Variants in DLGAP1 observed in about 807,000 individuals in gnomAD.
The protein encoded by DLGAP1 is DLG associated protein 1.
Under a neutral mutation model 90.8 loss-of-function variants are expected in DLGAP1, and 11 were observed. That is an observed-to-expected ratio of 0.12 (90% CI 0.08 to 0.20). The LOEUF (loss-of-function observed/expected upper bound fraction) is 0.20. Among genes scored for constraint, DLGAP1 ranks in the 10% least tolerant of loss-of-function variants. DLGAP1 has a pLI of 1.00. For missense variants in DLGAP1, 1,050 were observed against 1,333.8 expected, an observed-to-expected ratio of 0.79 and a Z score of 3.31; for synonymous variants, 558 against 540.7, an observed-to-expected ratio of 1.03 and a Z score of -0.44.
intron 10 of DLGAP1, among the ~76,000 whole-genome samples, chr18:3,513,215 C>A (rs2050644987): frequency 6.6e-6 from 1 of 152,210 alleles, no homozygotes; most frequent in Admixed American, 6.5e-5. Context: ...CCTTCTTTTT[C>A]AAAGCTGAAT....
At chr18:4,109,904 G>A (rs1344632146) in intron 2 of DLGAP1, among the ~76,000 whole-genome samples, 1 of 150,970 alleles carries the variant, frequency 6.6e-6, no homozygotes, top group Non-Finnish European at 1.5e-5. Flanking sequence ...TTTGTTTTTT[G>A]TGGGGACAGG....
At chr18:4,224,458 T>C (rs2078142969) in intron 1 of DLGAP1, among the ~76,000 whole-genome samples, 1 of 152,108 alleles carries the variant, frequency 6.6e-6, no homozygotes. Flanking sequence ...CTGGGCCATA[T>C]GGGAACCCAC....
intron 1 of DLGAP1, among the ~76,000 whole-genome samples, chr18:4,426,016 T>C (rs2083145212): frequency 1.3e-5 from 2 of 152,102 alleles, no homozygotes; most frequent in African/African-American, 2.4e-5. Context: ...GCAAAATGGA[T>C]AAAGTCACAT....
At chr18:3,509,347 C>T (rs1439204690) in intron 10 of DLGAP1, among the ~76,000 whole-genome samples, 1 of 152,196 alleles carries the variant, frequency 6.6e-6, no homozygotes, top group Non-Finnish European at 1.5e-5. Flanking sequence ...ATTCCCTAGG[C>T]ACTGTGCTGA....
chr18:3,932,599 C>T (rs1367903165), intron 3 of DLGAP1, among the ~76,000 whole-genome samples: 1 of 152,126 alleles, frequency 6.6e-6, no homozygotes, highest in African/African-American at 2.4e-5. Context: ...TGAAATGTGA[C>T]AAGGGCAGCA....
intron 9 of DLGAP1, among the ~76,000 whole-genome samples, chr18:3,554,500 C>T (rs2144876448): frequency 6.6e-6 from 1 of 152,294 alleles, no homozygotes; most frequent in East Asian, 1.9e-4. Context: ...GGCATTTAAA[C>T]TAGTGATCTT....
intron 7 of DLGAP1, among the ~76,000 whole-genome samples, chr18:3,674,296 A>AAAAAAAAAAAATATATATATATAT (rs755076240): frequency 5.4e-5 from 7 of 128,986 alleles, no homozygotes; most frequent in African/African-American, 2.3e-4. Flanking sequence ...ATAATATTAA[A>AAAAAAAAAAAATATATATATATAT]ATATATATAT....
chr18:3,759,158 G>T (rs2063844166), intron 5 of DLGAP1, among the ~76,000 whole-genome samples: 1 of 151,966 alleles, frequency 6.6e-6, no homozygotes, highest in South Asian at 2.1e-4. Context: ...TCTCCTAGAA[G>T]CTCAGGGTTC....
chr18:3,738,394 C>G (rs2062750116), intron 6 of DLGAP1, among the ~76,000 whole-genome samples: 1 of 146,656 alleles, frequency 6.8e-6, no homozygotes. Context: ...GCTACAGTAA[C>G]CAAAACAGCA....
At chr18:4,008,226 T>TAC (rs67739004) in intron 2 of DLGAP1, among the ~76,000 whole-genome samples, 28,353 of 146,992 alleles carry the variant, frequency 0.19, 2,945 homozygotes, top group Non-Finnish European at 0.25. Flanking sequence ...TATATATATA[T>TAC]ACACACACAC....
intron 3 of DLGAP1, among the ~76,000 whole-genome samples, chr18:3,976,136 C>T (rs1483607234): frequency 2.0e-5 from 3 of 151,660 alleles, no homozygotes; most frequent in East Asian, 1.9e-4. Context: ...CACCTAAGGT[C>T]GGGAGTTTGA....
At chr18:4,067,158 G>GAC (rs1243637858) in intron 2 of DLGAP1, among the ~76,000 whole-genome samples, 2 of 151,810 alleles carry the variant, frequency 1.3e-5, no homozygotes, top group Non-Finnish European at 2.9e-5. Flanking sequence ...GGGAACAACA[G>GAC]ACACTGGGCC....
chr18:3,544,969 A>G (rs1248930906), intron 9 of DLGAP1, among the ~76,000 whole-genome samples: 1 of 152,064 alleles, frequency 6.6e-6, no homozygotes. Context: ...TAATTTCTCC[A>G]TTAAAAAAAT....
At chr18:4,281,853 AC>A (rs1324969970) in intron 1 of DLGAP1, among the ~76,000 whole-genome samples, 17 of 152,214 alleles carry the variant, frequency 1.1e-4, no homozygotes, top group African/African-American at 3.9e-4. Flanking sequence ...AAATATTTAT[AC>A]CTATATACTT....
At chr18:3,723,191 T>C (rs1350467085) in intron 7 of DLGAP1, among the ~76,000 whole-genome samples, 2 of 152,196 alleles carry the variant, frequency 1.3e-5, no homozygotes, top group Non-Finnish European at 2.9e-5. Flanking sequence ...AACTATTCGC[T>C]GAAACTTCTG....
intron 2 of DLGAP1, among the ~76,000 whole-genome samples, chr18:4,138,703 G>A (rs2076446858): frequency 1.3e-5 from 2 of 152,030 alleles, no homozygotes; most frequent in Non-Finnish European, 2.9e-5. Context: ...CAGAGTTTCA[G>A]TAAGATTGGT....
At chr18:4,090,772 A>G (rs1359476566) in intron 2 of DLGAP1, among the ~76,000 whole-genome samples, 1 of 152,222 alleles carries the variant, frequency 6.6e-6, no homozygotes, top group East Asian at 1.9e-4. Context: ...GAATCATTCT[A>G]TCATAAAGAC....
chr18:4,420,465 T>C (rs1460483471), intron 1 of DLGAP1, among the ~76,000 whole-genome samples: 3 of 152,222 alleles, frequency 2.0e-5, no homozygotes, highest in Non-Finnish European at 4.4e-5. Context: ...TAAAATAATA[T>C]AAAGTCAAGT....
chr18:3,842,972 T>A (rs1402284952), intron 4 of DLGAP1, among the ~76,000 whole-genome samples: 1 of 152,214 alleles, frequency 6.6e-6, no homozygotes. Context: ...GCTTCACGTG[T>A]ATTTGGGAAC....
Sources: gnomAD v4.1 joint callset for allele counts (sites outside exome capture counted in the v4.1 genomes callset) on GRCh38, gnomAD v4.1.1 for gene constraint, MANE v1.5 for transcripts, NCBI Gene and HGNC (gene_info 2026-07-23, HGNC 2026-07-21) for gene names.